PLCXD3: variants seen among roughly 807,000 people sequenced by gnomAD.
The protein encoded by PLCXD3 is PI-PLC X domain-containing protein 3.
A neutral mutation model predicts 25.5 loss-of-function variants in PLCXD3; 19 were observed. The ratio of observed to expected loss-of-function variants is 0.75; its 90% CI spans 0.52 to 1.09. The LOEUF (loss-of-function observed/expected upper bound fraction) is 1.09, where lower values mean the gene tolerates loss of function less well. PLCXD3 is among the 50% of genes least tolerant of loss of function. The pLI is 0.00. For synonymous variants in PLCXD3, 174 were observed against 137.6 expected, an observed-to-expected ratio of 1.26 and a Z score of -1.85; for missense variants, 411 against 388.1, an observed-to-expected ratio of 1.06 and a Z score of -0.50.
intron 2 of PLCXD3, among the ~76,000 whole-genome samples, chr5:41,377,685 G>A (rs576670061): frequency 4.6e-5 from 7 of 152,162 alleles, no homozygotes; most frequent in South Asian, 4.2e-4. Context: ...TGGCCAGATC[G>A]AAAGCTACGG....
intron 1 of PLCXD3, among the ~76,000 whole-genome samples, chr5:41,389,583 C>G (rs1408766942): frequency 1.3e-5 from 2 of 152,076 alleles, no homozygotes; most frequent in Non-Finnish European, 2.9e-5. Context: ...ACTTTCAGTA[C>G]TCAAAATAGT....
At chr5:41,471,838 C>T (rs532990638) in intron 1 of PLCXD3, among the ~76,000 whole-genome samples, 1 of 5,200 alleles carries the variant, frequency 1.9e-4, no homozygotes, top group East Asian at 7.9e-3. Flanking sequence ...CTCCCCTCCC[C>T]TCCCCTCCCC....
Position 41,464,792 on chromosome 5 carries a change from G to A in PLCXD3, c.103+45632C>T, listed in dbSNP as rs191393428. Among the ~76,000 whole-genome samples the A allele has an allele frequency of 2.1e-4, 32 of 151,966 alleles. No homozygotes were observed. The East Asian group carries it at 3.5e-3, about 17-fold the overall frequency. Reference sequence around the variant, plus strand: ...TCCTTTCTGAATTCATAGCATATGCGTGCTGGACTTTCTGAATCTATCTTC... The same window carrying A: ...TCCTTTCTGAATTCATAGCATATGCATGCTGGACTTTCTGAATCTATCTTC... On this transcript the variant is annotated intron_variant, in intron 1 of 2. Coordinates refer to ENST00000377801, the MANE Select transcript of PLCXD3 (RefSeq NM_001005473.3).
intron 1 of PLCXD3, among the ~76,000 whole-genome samples, chr5:41,499,763 A>G (rs1748915904): frequency 6.6e-6 from 1 of 151,868 alleles, no homozygotes; most frequent in Non-Finnish European, 1.5e-5. Flanking sequence ...AGTAATCAAA[A>G]CAGTATAGTT....
intron 2 of PLCXD3, among the ~76,000 whole-genome samples, chr5:41,335,868 G>C (rs528784017): frequency 8.5e-4 from 129 of 152,234 alleles, no homozygotes; most frequent in Non-Finnish European, 1.4e-3. Flanking sequence ...AGGAAAAGGA[G>C]ATGTCCATAA....
At chr5:41,432,384 T>C (rs569178165) in intron 1 of PLCXD3, among the ~76,000 whole-genome samples, 6 of 152,324 alleles carry the variant, frequency 3.9e-5, no homozygotes, top group African/African-American at 1.4e-4. Context: ...TCACTGTTTT[T>C]CTGCTGTCCA....
At chr5:41,416,406 A>T (rs953811731) in intron 1 of PLCXD3, among the ~76,000 whole-genome samples, 1 of 152,358 alleles carries the variant, frequency 6.6e-6, no homozygotes, top group Middle Eastern at 3.4e-3. Flanking sequence ...CTGCCAAACC[A>T]GAAGGAAGGT....
At chr5:41,399,598 G>T (rs542139864) in intron 1 of PLCXD3, among the ~76,000 whole-genome samples, 112 of 152,232 alleles carry the variant, frequency 7.4e-4, no homozygotes, top group African/African-American at 2.4e-3. Context: ...CTGGGGAAAA[G>T]ATAGTATCTT....
At chr5:41,454,641 A>G (rs1221126509) in intron 1 of PLCXD3, among the ~76,000 whole-genome samples, 3 of 151,962 alleles carry the variant, frequency 2.0e-5, no homozygotes, top group African/African-American at 7.2e-5. Context: ...ATGAGAAGAC[A>G]GAGAAACACA....
chr5:41,461,759 A>T (rs1175234388), intron 1 of PLCXD3, among the ~76,000 whole-genome samples: 1 of 152,032 alleles, frequency 6.6e-6, no homozygotes, highest in African/African-American at 2.4e-5. Context: ...TCGTAGCAGC[A>T]GACCAAAGCA....
intron 1 of PLCXD3, among the ~76,000 whole-genome samples, chr5:41,452,365 G>A (rs1327442943): frequency 6.6e-6 from 1 of 152,006 alleles, no homozygotes. Flanking sequence ...TTGAAGGAAT[G>A]TTTCAAAAGG....
At chr5:41,465,353 C>CTTTTTTTTTTTTTTTTTGT (rs1747992108) in intron 1 of PLCXD3, among the ~76,000 whole-genome samples, 1 of 13,228 alleles carries the variant, frequency 7.6e-5, no homozygotes, top group Non-Finnish European at 1.3e-4. Context: ...TAGTTCTTGT[C>CTTTTTTTTTTTTTTTTTGT]TTTTTTTTTT....
At chr5:41,487,822 G>T (rs780484763) in intron 1 of PLCXD3, among the ~76,000 whole-genome samples, 2 of 152,108 alleles carry the variant, frequency 1.3e-5, no homozygotes, top group South Asian at 4.2e-4. Flanking sequence ...AGTGAGAAAG[G>T]AAAAGGTGAA....
chr5:41,502,906 T>C (rs1580406325), intron 1 of PLCXD3, among the ~76,000 whole-genome samples: 1 of 152,192 alleles, frequency 6.6e-6, no homozygotes, highest in East Asian at 1.9e-4. Flanking sequence ...TGATGAAGAC[T>C]AAACAAAACT....
chr5:41,493,211 G>T (rs997710500), intron 1 of PLCXD3, among the ~76,000 whole-genome samples: 1 of 152,172 alleles, frequency 6.6e-6, no homozygotes, highest in Non-Finnish European at 1.5e-5. Flanking sequence ...GACCCTGTTT[G>T]CCTGGGTACC....
chr5:41,506,209 G>A (rs1339634717), intron 1 of PLCXD3, among the ~76,000 whole-genome samples: 1 of 152,224 alleles, frequency 6.6e-6, no homozygotes. Context: ...TGTGGGAAAA[G>A]CATATGTGTG....
chr5:41,348,727 C>A (rs998706065), intron 2 of PLCXD3, among the ~76,000 whole-genome samples: 6 of 152,052 alleles, frequency 3.9e-5, no homozygotes, highest in Admixed American at 2.6e-4. Flanking sequence ...TGCTTGGCAG[C>A]CTCCGTAATG....
intron 2 of PLCXD3, among the ~76,000 whole-genome samples, chr5:41,354,152 C>T (rs944701504): frequency 2.0e-5 from 3 of 152,108 alleles, no homozygotes; most frequent in African/African-American, 7.2e-5. Context: ...CTAATTATCT[C>T]TCAATGATAT....
chr5:41,324,613 C>T (rs1055377817), intron 2 of PLCXD3, among the ~76,000 whole-genome samples: 2 of 152,162 alleles, frequency 1.3e-5, no homozygotes, highest in African/African-American at 4.8e-5. Context: ...AATATACAGA[C>T]ATGAGTGTAT....
Sources: gnomAD v4.1 joint callset for allele counts (sites outside exome capture counted in the v4.1 genomes callset) on GRCh38, gnomAD v4.1.1 for gene constraint, MANE v1.5 for transcripts, NCBI Gene and HGNC (gene_info 2026-07-23, HGNC 2026-07-21) for gene names.